The following DCDC2 variants were observed in gnomAD, a reference collection of about 807,000 sequenced individuals.
The protein encoded by DCDC2 is doublecortin domain-containing protein 2.
In DCDC2, 40 loss-of-function variants were observed where a neutral mutation model predicts 50.2. The ratio of observed to expected loss-of-function variants is 0.80; its 90% CI spans 0.62 to 1.04. The LOEUF is 1.04. Ranked by LOEUF, DCDC2 falls within the 50% of genes least tolerant of loss-of-function variation. DCDC2 has a pLI of 0.00. For missense variants in DCDC2, 570 were observed against 581.9 expected, an observed-to-expected ratio of 0.98 and a Z score of 0.21; for synonymous variants, 234 against 210.6, an observed-to-expected ratio of 1.11 and a Z score of -0.96.
At chr6:24,292,084 G>A (rs2113831509) in intron 4 of DCDC2, among the ~76,000 whole-genome samples, 1 of 152,088 alleles carries the variant, frequency 6.6e-6, no homozygotes, top group South Asian at 2.1e-4. Flanking sequence ...TTCCTTTACT[G>A]TAAAACTGCT....
intron 5 of DCDC2, among the ~76,000 whole-genome samples, chr6:24,289,152 T>G (rs915645606): frequency 4.9e-4 from 74 of 152,386 alleles, no homozygotes; most frequent in African/African-American, 1.5e-3. Context: ...AGTAAACTTT[T>G]AGTATCACCT....
chr6:24,174,790 AATT>A lies in DCDC2; in HGVS notation c.1368_1370del (p.Lys456_Ile457delinsAsn). ...TGTTTTCATTTTCTTCTGGACTGGTAATTTTTACTTCTGGCCTTGGTGGTCTTT... is the reference window on the plus strand; with the variant it reads ...TGTTTTCATTTTCTTCTGGACTGGTATTTACTTCTGGCCTTGGTGGTCTTT... On this transcript the variant is annotated inframe_deletion, in exon 10 of 10. Coordinates refer to ENST00000378454, the MANE Select transcript of DCDC2 (RefSeq NM_016356.5). The A allele has an allele frequency of 1.9e-6, 3 of 1,613,688 alleles. No individual in the cohort carries two copies. In the South Asian group the frequency reaches 3.3e-5, roughly 18 times the overall value.
At chr6:24,365,718 G>C in the DCDC2 span, 1 of 152,236 alleles carries the variant, frequency 6.6e-6, no homozygotes, top group East Asian at 1.9e-4. Flanking sequence ...TCCTGTGTAA[G>C]GATGACATGC....
chr6:24,287,062 G>C (rs1763626793), intron 6 of DCDC2, among the ~76,000 whole-genome samples: 1 of 152,192 alleles, frequency 6.6e-6, no homozygotes, highest in East Asian at 1.9e-4. Context: ...AATGGACTCA[G>C]ATTAATATTC....
rs1237061187 is a variant in DCDC2, at chr6:24,354,414, TAC to T, written c.294-793_294-792del. On this transcript the variant is annotated intron_variant, in intron 1 of 9. Coordinates refer to ENST00000378454, the MANE Select transcript of DCDC2 (RefSeq NM_016356.5). ...TGATAGATCAATCCTTTACCCCAAC[TAC>T]TACAATTGCCAACTTGTCCCAAAAA... 1.1e-4 allele frequency among the ~76,000 whole-genome samples: 17 copies of T among 152,272 alleles called. 1 individual carries two copies. Among genetic ancestry groups the T allele is most frequent in the Middle Eastern group, 6.8e-3 (2 of 294 alleles).
At chr6:24,188,312 G>C (rs1043238252) in intron 8 of DCDC2, among the ~76,000 whole-genome samples, 5 of 152,090 alleles carry the variant, frequency 3.3e-5, no homozygotes, top group African/African-American at 1.2e-4. Context: ...CACTGTAATA[G>C]TGCCCTGAAA....
chr6:24,178,725 C>G, intron 8 of DCDC2, 93 bp from the exon 9 acceptor site: 3 of 1,234,136 alleles, frequency 2.4e-6, no homozygotes, highest in Non-Finnish European at 3.4e-6. Context: ...ATATTACAGT[C>G]AAGTAAAACA....
intron 7 of DCDC2, among the ~76,000 whole-genome samples, chr6:24,260,023 G>A (rs1233878071): frequency 1.3e-5 from 2 of 152,142 alleles, no homozygotes; most frequent in Non-Finnish European, 2.9e-5. Flanking sequence ...GATGCTTAAG[G>A]TTATTTTTAG....
chr6:24,212,006 G>A (rs572903151), intron 7 of DCDC2, among the ~76,000 whole-genome samples: 3 of 152,288 alleles, frequency 2.0e-5, no homozygotes, highest in South Asian at 2.1e-4. Context: ...TACAGCAGGA[G>A]GTGAGCGGCA....
At chr6:24,347,836 G>A (rs796960436) in intron 2 of DCDC2, among the ~76,000 whole-genome samples, 7 of 152,144 alleles carry the variant, frequency 4.6e-5, no homozygotes, top group African/African-American at 9.6e-5. Context: ...AATAGGTGGT[G>A]GAAAAAAAGG....
At chr6:24,336,329 T>C (rs1327662188) in intron 2 of DCDC2, among the ~76,000 whole-genome samples, 7 of 152,232 alleles carry the variant, frequency 4.6e-5, no homozygotes, top group African/African-American at 1.4e-4. Flanking sequence ...TCTTTTTTTT[T>C]CCACTTATTG....
intron 7 of DCDC2, among the ~76,000 whole-genome samples, chr6:24,207,307 A>T (rs1760604111): frequency 6.8e-6 from 1 of 145,994 alleles, no homozygotes; most frequent in Non-Finnish European, 1.5e-5. Flanking sequence ...ACACACACAC[A>T]GACACATGCA....
chr6:24,308,913 G>A (rs1759523412), intron 2 of DCDC2, among the ~76,000 whole-genome samples: 1 of 152,158 alleles, frequency 6.6e-6, no homozygotes, highest in African/African-American at 2.4e-5. Context: ...AGAATTGACT[G>A]TTGCCAGACC....
At chr6:24,207,627 C>T (rs115151497) in intron 7 of DCDC2, among the ~76,000 whole-genome samples, 2,190 of 152,174 alleles carry the variant, frequency 0.014, 17 homozygotes, top group Middle Eastern at 0.044. Context: ...CAGAGACATG[C>T]GATGTTTACT....
intron 2 of DCDC2, among the ~76,000 whole-genome samples, chr6:24,322,661 T>G (rs182591950): frequency 2.2e-4 from 34 of 152,302 alleles, no homozygotes; most frequent in Middle Eastern, 3.4e-3. Context: ...ACCGGAACAT[T>G]CTTTTCTATT....
rs1010389345 is a variant in DCDC2 at position 24,187,996 on chromosome 6, G to A, written c.1024-9364C>T. ...AAGGATTTGAATTCTTTGACCATTG[G>A]ATTGTAATAACTATTTTCCTAAGAT... is the stretch of plus-strand genomic sequence containing the variant. On this transcript the variant is annotated intron_variant, in intron 8 of 9. Transcript: ENST00000378454. 1.8e-4 allele frequency among the ~76,000 whole-genome samples: 27 copies of A among 152,202 alleles called. 1 individual carries two copies. Among genetic ancestry groups the A allele is most frequent in the Admixed American group, 1.6e-3 (25 of 15,282 alleles).
intron 7 of DCDC2, among the ~76,000 whole-genome samples, chr6:24,257,617 G>C (rs1303813300): frequency 6.6e-6 from 1 of 151,526 alleles, no homozygotes; most frequent in African/African-American, 2.4e-5. Flanking sequence ...GCTGCAAAGA[G>C]ACATACAAAA....
chr6:24,265,012 A>G (rs1208471305), intron 7 of DCDC2, among the ~76,000 whole-genome samples: 2 of 152,108 alleles, frequency 1.3e-5, no homozygotes, highest in African/African-American at 4.8e-5. Flanking sequence ...CAAAAACTCT[A>G]AAGAGAGGCC....
intron 7 of DCDC2, among the ~76,000 whole-genome samples, chr6:24,256,280 T>TG (rs1204948850): frequency 1.3e-4 from 20 of 151,934 alleles, no homozygotes; most frequent in Non-Finnish European, 2.2e-4. Flanking sequence ...GGACATTTTT[T>TG]TTTTTTTTTT....
Sources: allele counts gnomAD v4.1 joint callset (sites outside exome capture counted in the v4.1 genomes callset), GRCh38; gene constraint gnomAD v4.1.1; transcripts MANE v1.5; gene names NCBI Gene and HGNC (gene_info 2026-07-23, HGNC 2026-07-21).